The following HRH2 variants were observed in gnomAD, a reference collection of about 807,000 sequenced individuals.
HRH2 encodes the protein histamine H2 receptor.
In HRH2, 4 loss-of-function variants were observed where a neutral mutation model predicts 20.1. That is an observed-to-expected ratio of 0.20 (90% CI 0.10 to 0.45). HRH2 has a LOEUF of 0.45. HRH2 is among the 20% of genes least tolerant of loss of function. The pLI is 0.99. For missense variants in HRH2, 250 were observed against 461.6 expected, an observed-to-expected ratio of 0.54 and a Z score of 4.20; for synonymous variants, 197 against 200.7, an observed-to-expected ratio of 0.98 and a Z score of 0.16.
intron 2 of HRH2, among the ~76,000 whole-genome samples, chr5:175,694,354 C>A (rs1048249134): frequency 1.3e-5 from 2 of 152,118 alleles, no homozygotes; most frequent in Admixed American, 6.5e-5. Context: ...AGTGTAAGTC[C>A]CCGGAGGCTG....
At chr5:175,691,772 G>T (rs920867668) in intron 2 of HRH2, among the ~76,000 whole-genome samples, 8 of 151,792 alleles carry the variant, frequency 5.3e-5, no homozygotes, top group African/African-American at 1.9e-4. Context: ...AATTCCAGCT[G>T]CTCAGGAGGC....
chr5:175,685,531 T>C, intron 2 of HRH2: 1 of 1,481,144 alleles, frequency 6.8e-7, no homozygotes, highest in South Asian at 1.2e-5. Flanking sequence ...TTATGATGAA[T>C]ACTGGGGATG....
chr5:175,666,621 A>G (rs1762903391), intron 1 of HRH2, among the ~76,000 whole-genome samples: 1 of 152,072 alleles, frequency 6.6e-6, no homozygotes, highest in African/African-American at 2.4e-5. Flanking sequence ...TGTAGAGACA[A>G]GGTTTCACCA....
chr5:175,698,601 G>C (rs1030122305), intron 2 of HRH2, among the ~76,000 whole-genome samples: 3 of 152,148 alleles, frequency 2.0e-5, no homozygotes, highest in Non-Finnish European at 4.4e-5. Flanking sequence ...CAAATCCAGG[G>C]ATCCTGCTAG....
At position 175,684,192 on chromosome 5, in the gene HRH2, A is replaced by G. The variant is rs911836264; in HGVS notation, c.959A>G (p.Asn320Ser). Residue 320 changes from asparagine to serine, a missense_variant, in exon 2 of 3, where the codon AAC becomes AGC. Transcript: ENST00000636584. The stretch of plus-strand genomic sequence containing the variant: ...TCCCACAAAACTTCTCTGAGGTCCA[A>G]CGCCTCTCAGCTGTCCAGGACCCAA... ...RNSHKTSLRS[N>S]ASQLSRTQSR... is the part of the protein sequence containing the mutation. 37 of 1,614,012 alleles carry G rather than the reference A, an allele frequency of 2.3e-5. No homozygotes were observed. Among genetic ancestry groups the G allele is most frequent in the East Asian group, 4.5e-5 (2 of 44,888 alleles).
At chr5:175,697,441 C>T (rs995322467) in intron 2 of HRH2, among the ~76,000 whole-genome samples, 3 of 136,698 alleles carry the variant, frequency 2.2e-5, no homozygotes, top group Non-Finnish European at 3.0e-5. Flanking sequence ...CCAGCTTGGG[C>T]GAAAGAGTGA....
At chr5:175,668,287 G>A (rs1019317069) in intron 1 of HRH2, among the ~76,000 whole-genome samples, 4 of 152,168 alleles carry the variant, frequency 2.6e-5, no homozygotes, top group Non-Finnish European at 2.9e-5. Flanking sequence ...GAGTGCTGGG[G>A]CTTGGCACAC....
At chr5:175,675,900 C>G (rs1220024759) in intron 1 of HRH2, among the ~76,000 whole-genome samples, 2 of 152,228 alleles carry the variant, frequency 1.3e-5, no homozygotes, top group Non-Finnish European at 2.9e-5. Context: ...CCCATCCTGT[C>G]CCAGCTCCCA....
intron 1 of HRH2, among the ~76,000 whole-genome samples, chr5:175,671,728 C>T (rs1343458471): frequency 6.6e-6 from 1 of 152,172 alleles, no homozygotes; most frequent in Non-Finnish European, 1.5e-5. Context: ...GCCAGCTGGT[C>T]AAAGTCAGCT....
intron 1 of HRH2, among the ~76,000 whole-genome samples, chr5:175,669,123 G>C (rs1360247623): frequency 2.0e-5 from 3 of 151,518 alleles, no homozygotes; most frequent in Non-Finnish European, 4.4e-5. Context: ...GGGATTACAG[G>C]CCTGAGCCAC....
Position 175,683,277 on chromosome 5 carries a change from C to T in HRH2, c.44C>T (p.Thr15Ile). The T allele has an allele frequency of 6.2e-7, 1 of 1,614,164 alleles. No homozygotes were observed. Among genetic ancestry groups the T allele is most frequent in the Admixed American group, 1.7e-5 (1 of 60,024 alleles). ...GCCTCTTCCTTTTGCCTGGACTCTA[C>T]CGCATGCAAGATCACCATCACCGTG... is the stretch of plus-strand genomic sequence containing the variant. ...GTASSFCLDS[T>I]ACKITITVVL... Residue 15 changes from threonine (T) to isoleucine (I), a missense_variant, in exon 2 of 3, where the codon ACC (threonine) becomes ATC (isoleucine). Thr to Ile is a moderately conservative substitution (Grantham distance 89). Transcript: ENST00000636584.
At position 175,685,691 on chromosome 5, in the gene HRH2, T is replaced by C. The variant is rs1756148360; in HGVS notation, c.1076+1382T>C. On this transcript the variant is annotated intron_variant, in intron 2 of 2. Transcript: ENST00000636584. Reference sequence around the variant, plus strand: ...GTTTCCTCATCGCATAGAGAGTTGGTCTTCCCTCACCGGGCTTCCTACTTG... The same window carrying C: ...GTTTCCTCATCGCATAGAGAGTTGGCCTTCCCTCACCGGGCTTCCTACTTG... 9.9e-6 allele frequency: 6 copies of C among 606,068 alleles called. No individual in the cohort carries two copies. The South Asian group carries it at 1.2e-4, about 12-fold the overall frequency. The allele number at this position is 606,068 out of a possible 1,614,324, so 37.5% of individuals were successfully genotyped here.
intron 1 of HRH2, among the ~76,000 whole-genome samples, chr5:175,682,404 G>A (rs753575124): frequency 1.3e-5 from 2 of 152,194 alleles, no homozygotes; most frequent in African/African-American, 2.4e-5. Flanking sequence ...ACAGATGCAG[G>A]CCTTCTTCTT....
intron 2 of HRH2, among the ~76,000 whole-genome samples, chr5:175,691,938 A>G (rs1756398653): frequency 6.6e-6 from 1 of 151,958 alleles, no homozygotes; most frequent in Non-Finnish European, 1.5e-5. Flanking sequence ...CCCTTCCTCC[A>G]GGGGACCCGG....
intron 2 of HRH2, among the ~76,000 whole-genome samples, chr5:175,697,732 C>T (rs970363799): frequency 2.6e-5 from 4 of 152,194 alleles, no homozygotes; most frequent in African/African-American, 9.7e-5. Flanking sequence ...AGATCACATA[C>T]AAATTCCTCA....
At position 175,686,209 on chromosome 5, in the gene HRH2, T is replaced by G. The variant is rs1048393157; in HGVS notation, c.1076+1900T>G. ...TGCAAAGCTGACTTAGTTCACAAAG[T>G]ATAAAAAAATACAGGGATGTGGTTC... On this transcript the variant is annotated intron_variant, in intron 2 of 2. Transcript: ENST00000636584. This position sits in a 1 kb window ranked among gnomAD's most constrained non-coding sequence, Gnocchi z 4.7. 2 of 152,144 alleles carry G rather than the reference T, an allele frequency of 1.3e-5. No homozygotes were observed. Among genetic ancestry groups the G allele is most frequent in the Non-Finnish European group, 2.9e-5 (2 of 67,992 alleles). 9.4% of individuals were successfully genotyped at this position (152,144 alleles called of 1,614,324 possible). A position where few individuals can be genotyped will look rare whatever the true frequency, so the allele number is the denominator to read the frequency against.
chr5:175,675,900 C>T (rs1220024759), intron 1 of HRH2, among the ~76,000 whole-genome samples: 1 of 152,228 alleles, frequency 6.6e-6, no homozygotes, highest in Admixed American at 6.5e-5. Flanking sequence ...CCCATCCTGT[C>T]CCAGCTCCCA....
chr5:175,678,934 C>T (rs1409345803), intron 1 of HRH2, among the ~76,000 whole-genome samples: 1 of 152,218 alleles, frequency 6.6e-6, no homozygotes, highest in Non-Finnish European at 1.5e-5. Context: ...GAGCACATCC[C>T]AGTCACCAGC....
chr5:175,694,899 T>C (rs552271676), intron 2 of HRH2, among the ~76,000 whole-genome samples: 46 of 152,136 alleles, frequency 3.0e-4, no homozygotes, highest in African/African-American at 1.1e-3. Context: ...ACTCCTCAGG[T>C]GGTGCCACCT....
Sources: gnomAD v4.1 joint callset for allele counts (sites outside exome capture counted in the v4.1 genomes callset) on GRCh38, gnomAD v4.1.1 for gene constraint, Gnocchi (gnomAD v3.1) non-coding constraint, MANE v1.5 for transcripts, NCBI Gene and HGNC (gene_info 2026-07-23, HGNC 2026-07-21) for gene names.